C2CD5: variants seen among roughly 807,000 people sequenced by gnomAD.
C2CD5 encodes the protein C2 calcium dependent domain containing 5.
A neutral mutation model predicts 130.3 loss-of-function variants in C2CD5; 109 were observed. The ratio of observed to expected loss-of-function variants is 0.84; its 90% CI spans 0.72 to 0.98. C2CD5 has a LOEUF of 0.98. Among genes scored for constraint, C2CD5 ranks in the 50% least tolerant of loss-of-function variants. The probability of loss-of-function intolerance (pLI) is 0.00; values close to 1 mark genes in which losing one functional copy is unlikely to be tolerated. For synonymous variants in C2CD5, 454 were observed against 429.2 expected (o/e 1.06, Z -0.71); for missense variants, 996 against 1,261.8 (o/e 0.79, Z 3.19).
At chr12:22,477,431 C>T (rs1034518865) in intron 15 of C2CD5, 4 of 152,112 alleles carry the variant, frequency 2.6e-5, no homozygotes, top group Non-Finnish European at 5.9e-5. Flanking sequence ...ACGCAACAAT[C>T]CAGACACACT....
At chr12:22,518,265 G>A in intron 7 of C2CD5, 128 bp from the exon 8 acceptor site, 2 of 829,712 alleles carry the variant, frequency 2.4e-6, no homozygotes, top group Non-Finnish European at 4.1e-6. Context: ...GTGGAGCTGG[G>A]AATGAGGCCA....
intron 7 of C2CD5, 123 bp from the exon 8 acceptor site, chr12:22,518,260 G>T: frequency 2.3e-6 from 2 of 886,004 alleles, no homozygotes; most frequent in Admixed American, 2.0e-5. Flanking sequence ...TACGTGTGGA[G>T]CTGGGAATGA....
intron 10 of C2CD5, among the ~76,000 whole-genome samples, chr12:22,502,364 T>C (rs1422201878): frequency 2.0e-5 from 3 of 152,102 alleles, no homozygotes; most frequent in Non-Finnish European, 4.4e-5. Flanking sequence ...TATTTTTAGA[T>C]TTATGAAACA....
chr12:22,464,516 T>C (rs1270957188), intron 22 of C2CD5, among the ~76,000 whole-genome samples: 2 of 152,222 alleles, frequency 1.3e-5, no homozygotes, highest in Non-Finnish European at 2.9e-5. Flanking sequence ...GAGATAAAGA[T>C]TCTTTATTCC....
chr12:22,497,863 C>G (rs999716192), intron 10 of C2CD5, among the ~76,000 whole-genome samples: 2 of 151,312 alleles, frequency 1.3e-5, no homozygotes, highest in African/African-American at 4.9e-5. Flanking sequence ...GTGCAATCTA[C>G]TCCATAATTG....
intron 7 of C2CD5, among the ~76,000 whole-genome samples, chr12:22,520,361 A>G (rs1224463373): frequency 6.6e-6 from 1 of 152,116 alleles, no homozygotes; most frequent in Non-Finnish European, 1.5e-5. Context: ...ACATTCCCCA[A>G]TTCACAATTT....
chr12:22,477,212 C>T (rs2136239850), intron 15 of C2CD5: 1 of 152,178 alleles, frequency 6.6e-6, no homozygotes, highest in East Asian at 1.9e-4. Flanking sequence ...ATATTTTACA[C>T]TACTTTTTCA....
intron 10 of C2CD5, among the ~76,000 whole-genome samples, chr12:22,497,898 G>GCACACACACA (rs1356049317): frequency 9.8e-6 from 1 of 102,142 alleles, no homozygotes; most frequent in Non-Finnish European, 2.1e-5. Flanking sequence ...ATACACGCAT[G>GCACACACACA]CACACACATA....
chr12:22,479,163 T>G (rs1944330805), intron 14 of C2CD5, among the ~76,000 whole-genome samples: 1 of 151,720 alleles, frequency 6.6e-6, no homozygotes, highest in South Asian at 2.1e-4. Context: ...AACCTCCAAC[T>G]CCTGGGTTCA....
chr12:22,533,010 G>A (rs909807940), intron 3 of C2CD5, among the ~76,000 whole-genome samples: 7 of 152,190 alleles, frequency 4.6e-5, no homozygotes, highest in Non-Finnish European at 8.8e-5. Context: ...TGGTATCAGA[G>A]AAATGGGCAA....
chr12:22,540,382 CCTTATTTAT>C (rs1426224798), intron 2 of C2CD5, among the ~76,000 whole-genome samples: 3 of 152,146 alleles, frequency 2.0e-5, no homozygotes, highest in African/African-American at 7.2e-5. Context: ...TACTTACTTA[CCTTATTTAT>C]GAACTCTCTC....
intron 21 of C2CD5, 149 bp from the exon 22 acceptor site, chr12:22,469,944 A>G (rs761065708): frequency 1.4e-4 from 75 of 533,534 alleles, no homozygotes; most frequent in Non-Finnish European, 2.2e-4. Flanking sequence ...GATTTCTCCC[A>G]TGGAAACCAT....
chr12:22,481,224 C>T (rs1041102657), intron 14 of C2CD5, among the ~76,000 whole-genome samples: 1 of 152,154 alleles, frequency 6.6e-6, no homozygotes, highest in Non-Finnish European at 1.5e-5. Flanking sequence ...ACATACAAAA[C>T]TTTACATTTT....
At chr12:22,502,144 T>C (rs980641524) in intron 10 of C2CD5, among the ~76,000 whole-genome samples, 1 of 152,122 alleles carries the variant, frequency 6.6e-6, no homozygotes, top group Non-Finnish European at 1.5e-5. Context: ...TACATTCATA[T>C]GTAAAATTAC....
chr12:22,515,280 T>C (rs2136909928), intron 8 of C2CD5: 1 of 192,498 alleles, frequency 5.2e-6, no homozygotes, highest in East Asian at 1.9e-4. Flanking sequence ...CAAATTACAC[T>C]AAGCAAATGA....
At position 22,484,688 on chromosome 12, in the gene C2CD5, C is replaced by T. The variant is rs777386070; in HGVS notation, c.1550+9G>A. On this transcript the variant is annotated intron_variant, in intron 13 of 26. Coordinates refer to ENST00000446597, the MANE Select transcript of C2CD5 (RefSeq NM_001286176.2). ...TCAGGGACACCGAGTGTTGTTTTCACAAACATACCTTGCTTGAATAAGACA... is the reference window on the plus strand; with the variant it reads ...TCAGGGACACCGAGTGTTGTTTTCATAAACATACCTTGCTTGAATAAGACA... 2.6e-6 allele frequency: 4 copies of T among 1,512,166 alleles called. No individual in the cohort carries two copies. Among genetic ancestry groups the T allele is most frequent in the South Asian group, 2.6e-5 (2 of 76,384 alleles). The allele number at this position is 1,512,166 out of a possible 1,614,324, so 93.7% of individuals were successfully genotyped here. A position where few individuals can be genotyped will look rare whatever the true frequency, so the allele number is the denominator to read the frequency against.
intron 16 of C2CD5, 52 bp from the exon 17 acceptor site, chr12:22,472,859 C>CATAGTTTTAAAAGA: frequency 2.0e-6 from 2 of 1,005,878 alleles, no homozygotes; most frequent in Non-Finnish European, 1.6e-6. Context: ...ATAATTATTT[C>CATAGTTTTAAAAGA]ACGTTTTAAA....
intron 22 of C2CD5, among the ~76,000 whole-genome samples, chr12:22,467,752 A>C (rs1272834323): frequency 6.6e-6 from 1 of 152,182 alleles, no homozygotes; most frequent in African/African-American, 2.4e-5. Context: ...TATTTTAGGT[A>C]CTGTTCAAAT....
chr12:22,509,278 A>C (rs1948930345), intron 9 of C2CD5, among the ~76,000 whole-genome samples: 1 of 152,234 alleles, frequency 6.6e-6, no homozygotes, highest in African/African-American at 2.4e-5. Context: ...AAATAGGTAA[A>C]TTATGTATTA....
Sources: gnomAD v4.1 joint callset for allele counts (sites outside exome capture counted in the v4.1 genomes callset) on GRCh38, gnomAD v4.1.1 for gene constraint, MANE v1.5 for transcripts, NCBI Gene and HGNC (gene_info 2026-07-23, HGNC 2026-07-21) for gene names.